Variants in ARL3 observed in about 807,000 individuals in gnomAD.
ARL3 encodes ARF like GTPase 3, also known as ADP-ribosylation factor-like protein 3.
A neutral mutation model predicts 26.0 loss-of-function variants in ARL3; 9 were observed. The ratio of observed to expected loss-of-function variants is 0.35; its 90% CI spans 0.21 to 0.60. The LOEUF (loss-of-function observed/expected upper bound fraction) is 0.60. ARL3 is among the 20% of genes least tolerant of loss of function. The pLI, the probability that ARL3 is intolerant of heterozygous loss-of-function variation, is 0.78. For synonymous variants in ARL3, 71 were observed against 78.4 expected (o/e 0.91, Z 0.50); for missense variants, 158 against 215.7 (o/e 0.73, Z 1.67).
In ARL3 at chr10:102,690,295, C is replaced by CTTT. The variant is rs34924011; in HGVS notation, c.265-355_265-353dup. 8.9e-5 allele frequency among the ~76,000 whole-genome samples: 11 copies of CTTT among 123,718 alleles called. 1 individual carries two copies. Among genetic ancestry groups the CTTT allele is most frequent in the Admixed American group, 1.8e-4 (2 of 11,148 alleles). The allele number at this position is 123,718 out of a possible 152,430, so 81.2% of individuals were successfully genotyped here. On this transcript the variant is annotated intron_variant, in intron 3 of 5. Coordinates refer to ENST00000260746, the MANE Select transcript of ARL3 (RefSeq NM_004311.4). ...CTACAATATAGATTTCACTATTTTC[C>CTTT]TTTTTTTTTTTTTTTTTTTGAGACA...
At position 102,708,899 on chromosome 10, in the gene ARL3, T is replaced by C. The variant is rs1054795360; in HGVS notation, c.4-3410A>G. On this transcript the variant is annotated intron_variant, in intron 1 of 5. Transcript: ENST00000260746. ...TAAAACCATATATTATATATATATA[T>C]ATATATATATTTTTTTTTTTTTTGA... Among the ~76,000 whole-genome samples, 4 of 112,786 alleles carry C rather than the reference T, an allele frequency of 3.5e-5. 1 individual carries two copies. Among genetic ancestry groups the C allele is most frequent in the African/African-American group, 1.3e-4 (4 of 30,892 alleles). The allele number at this position is 112,786 out of a possible 152,430, so 74.0% of individuals were successfully genotyped here.
In ARL3 at chr10:102,673,928, G is replaced by C. The variant is rs2064117318; in HGVS notation, c.*2966C>G. The C allele has an allele frequency of 6.6e-6, 1 of 152,560 alleles. No homozygotes were observed. Among genetic ancestry groups the C allele is most frequent in the Admixed American group, 6.5e-5 (1 of 15,276 alleles). 9.5% of individuals were successfully genotyped at this position (152,560 alleles called of 1,614,324 possible). ...CAGAGCTAAAAATAAAAGGAAGTAAGAACTGGTCCCCGAGAAGGAAAGGAA... is the reference window on the plus strand; with the variant it reads ...CAGAGCTAAAAATAAAAGGAAGTAACAACTGGTCCCCGAGAAGGAAAGGAA... On this transcript the variant is annotated 3_prime_UTR_variant, in exon 6 of 6. Coordinates refer to ENST00000260746, the MANE Select transcript of ARL3 (RefSeq NM_004311.4).
At chr10:102,688,287 AC>A (rs1168110266) in intron 4 of ARL3, among the ~76,000 whole-genome samples, 2 of 151,964 alleles carry the variant, frequency 1.3e-5, no homozygotes, top group African/African-American at 4.8e-5. Flanking sequence ...ACTACATAGG[AC>A]CCCCTCCACC....
chr10:102,677,614 G>C (rs2064136681), intron 5 of ARL3, among the ~76,000 whole-genome samples: 1 of 152,158 alleles, frequency 6.6e-6, no homozygotes, highest in African/African-American at 2.4e-5. Flanking sequence ...GAGGGACCAA[G>C]GTAAAAATCA....
intron 3 of ARL3, among the ~76,000 whole-genome samples, chr10:102,693,899 T>A (rs2064233255): frequency 6.6e-6 from 1 of 152,154 alleles, no homozygotes; most frequent in Non-Finnish European, 1.5e-5. Context: ...GGTCTTGAAC[T>A]TCTGGACTCG....
intron 1 of ARL3, among the ~76,000 whole-genome samples, chr10:102,705,993 T>C (rs184881902): frequency 7.9e-4 from 121 of 152,300 alleles, no homozygotes; most frequent in African/African-American, 2.8e-3. Flanking sequence ...TAAGGTGTTA[T>C]ACAAAAATAT....
chr10:102,685,156 G>T (rs1007546175), intron 5 of ARL3, among the ~76,000 whole-genome samples: 2 of 150,002 alleles, frequency 1.3e-5, no homozygotes, highest in Non-Finnish European at 2.9e-5. Context: ...GGCTGAGGCA[G>T]GAGAATCACT....
chr10:102,699,654 T>C (rs1202761472), intron 2 of ARL3, among the ~76,000 whole-genome samples, 165 bp from the exon 3 acceptor site: 1 of 152,234 alleles, frequency 6.6e-6, no homozygotes, highest in Non-Finnish European at 1.5e-5. Flanking sequence ...CAGAAACATA[T>C]TTATACATGC....
chr10:102,676,682 T>C lies in ARL3; in HGVS notation c.*212A>G, dbSNP rs1426533434. 3.8e-6 allele frequency: 2 copies of C among 528,512 alleles called. No individual in the cohort carries two copies. The highest frequency in any genetic ancestry group is 2.3e-5 in the South Asian group (1 of 44,412). The allele number at this position is 528,512 out of a possible 1,614,324, so 32.7% of individuals were successfully genotyped here. A position where few individuals can be genotyped will look rare whatever the true frequency, so the allele number is the denominator to read the frequency against. On this transcript the variant is annotated 3_prime_UTR_variant, in exon 6 of 6. Coordinates refer to ENST00000260746, the MANE Select transcript of ARL3 (RefSeq NM_004311.4). ...TTTCAATTATGCAGAGGAAATAATA[T>C]AATTCCTTTATTTGAAAAATGATAC...
At chr10:102,690,983 G>A (rs1019450942) in intron 3 of ARL3, among the ~76,000 whole-genome samples, 16 of 150,970 alleles carry the variant, frequency 1.1e-4, no homozygotes, top group South Asian at 2.1e-4. Context: ...AGCCTCCTGA[G>A]TAGTTGAGAT....
Position 102,689,175 on chromosome 10 carries a change from A to G in ARL3, c.315+718T>C, listed in dbSNP as rs572428678. On this transcript the variant is annotated intron_variant, in intron 4 of 5. Transcript: ENST00000260746. ...CTGTCTCTACTAAAAATACAAAAAAATTAGCCGGGCGTGGTGGCGCACGCC... is the reference window on the plus strand; with the variant it reads ...CTGTCTCTACTAAAAATACAAAAAAGTTAGCCGGGCGTGGTGGCGCACGCC... Among the ~76,000 whole-genome samples the G allele has an allele frequency of 1.2e-3, 185 of 152,062 alleles. 1 individual carries two copies. The highest frequency in any genetic ancestry group is 2.4e-3 in the Non-Finnish European group (164 of 67,958).
At chr10:102,687,564 T>G (rs139714232) in intron 4 of ARL3, among the ~76,000 whole-genome samples, 1 of 152,174 alleles carries the variant, frequency 6.6e-6, no homozygotes, top group East Asian at 1.9e-4. Flanking sequence ...GGTGGGCACA[T>G]GTAGTCCCAA....
intron 5 of ARL3, 39 bp downstream of exon 5, chr10:102,685,777 G>A: frequency 6.5e-7 from 1 of 1,546,340 alleles, no homozygotes; most frequent in South Asian, 1.2e-5. Context: ...TCGGTTAGCT[G>A]TCATGTTGCC....
At chr10:102,688,839 G>A (rs552889535) in intron 4 of ARL3, among the ~76,000 whole-genome samples, 2 of 152,070 alleles carry the variant, frequency 1.3e-5, no homozygotes, top group East Asian at 3.9e-4. Context: ...TTTCAGATTT[G>A]TCAAAGTTAC....
Position 102,675,046 on chromosome 10 carries a change from A to G in ARL3, c.*1848T>C, listed in dbSNP as rs1178324781. On this transcript the variant is annotated 3_prime_UTR_variant, in exon 6 of 6. Coordinates refer to ENST00000260746, the MANE Select transcript of ARL3 (RefSeq NM_004311.4). ...CCTGCTGAACTATTCGGAAGAAAAAACAATTTGCAAGTGCTAGAGCCACAT... is the reference window on the plus strand; with the variant it reads ...CCTGCTGAACTATTCGGAAGAAAAAGCAATTTGCAAGTGCTAGAGCCACAT... 1.3e-5 allele frequency: 2 copies of G among 152,210 alleles called. No homozygotes were observed. The highest frequency in any genetic ancestry group is 4.8e-5 in the African/African-American group (2 of 41,454). The allele number at this position is 152,210 out of a possible 1,614,324, so 9.4% of individuals were successfully genotyped here. A position where few individuals can be genotyped will look rare whatever the true frequency, so the allele number is the denominator to read the frequency against.
chr10:102,708,678 G>A (rs1482881696), intron 1 of ARL3, among the ~76,000 whole-genome samples: 1 of 151,574 alleles, frequency 6.6e-6, no homozygotes, highest in East Asian at 1.9e-4. Context: ...CCAACATGGC[G>A]AAATCCCGTA....
intron 1 of ARL3, among the ~76,000 whole-genome samples, chr10:102,706,208 T>C (rs1031854143): frequency 1.3e-5 from 2 of 152,132 alleles, no homozygotes; most frequent in Admixed American, 6.5e-5. Context: ...TCCCAGCACT[T>C]TGGGAGGCCA....
chr10:102,688,110 T>G (rs1334317000), intron 4 of ARL3, among the ~76,000 whole-genome samples: 1 of 152,196 alleles, frequency 6.6e-6, no homozygotes, highest in South Asian at 2.1e-4. Context: ...GATATTTAGG[T>G]TATAGGTTGG....
intron 1 of ARL3, among the ~76,000 whole-genome samples, chr10:102,708,558 T>C (rs561849857): frequency 6.6e-6 from 1 of 152,038 alleles, no homozygotes; most frequent in African/African-American, 2.4e-5. Context: ...TTTCCTATTT[T>C]AAAAAAAATT....
Sources: gnomAD v4.1 joint callset for allele counts (sites outside exome capture counted in the v4.1 genomes callset) on GRCh38, gnomAD v4.1.1 for gene constraint, MANE v1.5 for transcripts, NCBI Gene and HGNC (gene_info 2026-07-23, HGNC 2026-07-21) for gene names.